Variants in SIK3 observed in about 807,000 individuals in gnomAD.
The protein encoded by SIK3 is SIK family kinase 3.
In SIK3, 28 loss-of-function variants were observed where a neutral mutation model predicts 144.2. That is an observed-to-expected ratio of 0.19 (90% CI 0.14 to 0.27). The LOEUF is 0.27. SIK3 is among the 10% of genes least tolerant of loss of function. The pLI, the probability that SIK3 is intolerant of heterozygous loss-of-function variation, is 1.00. For synonymous variants in SIK3, 686 were observed against 676.3 expected (o/e 1.01, Z -0.22); for missense variants, 1,319 against 1,776.0 (o/e 0.74, Z 4.62).
At chr11:117,097,938 G>A (rs1460206786) in intron 1 of SIK3, among the ~76,000 whole-genome samples, 1 of 151,520 alleles carries the variant, frequency 6.6e-6, no homozygotes, top group Non-Finnish European at 1.5e-5. Context: ...CTGTGCCCTC[G>A]GCCCCCTGCT....
At chr11:117,049,795 A>G (rs567185094) in intron 1 of SIK3, among the ~76,000 whole-genome samples, 6 of 152,048 alleles carry the variant, frequency 3.9e-5, no homozygotes, top group Admixed American at 2.0e-4. Context: ...ATCTCTATAC[A>G]AATTTTAAAA....
chr11:116,928,978 A>C (rs2135146561), intron 3 of SIK3, among the ~76,000 whole-genome samples: 2 of 152,314 alleles, frequency 1.3e-5, no homozygotes, highest in Middle Eastern at 3.4e-3. Context: ...AAGGACTAGA[A>C]TCAAGCTTTC....
chr11:117,039,096 G>C (rs990426262), intron 1 of SIK3, among the ~76,000 whole-genome samples: 1 of 151,938 alleles, frequency 6.6e-6, no homozygotes, highest in Admixed American at 6.6e-5. Flanking sequence ...AGCATCTTTA[G>C]ATCAGAATCA....
chr11:116,933,345 T>C (rs1947727446), intron 3 of SIK3, among the ~76,000 whole-genome samples: 1 of 152,060 alleles, frequency 6.6e-6, no homozygotes, highest in South Asian at 2.1e-4. Flanking sequence ...TTCACCATAT[T>C]GGCCAGGCTG....
intron 6 of SIK3, among the ~76,000 whole-genome samples, chr11:116,884,416 C>T (rs1165757165): frequency 1.3e-5 from 2 of 148,228 alleles, no homozygotes; most frequent in African/African-American, 2.5e-5. Flanking sequence ...AGTGCGATCT[C>T]GGCTCACTGC....
At chr11:116,927,500 T>C (rs1333675181) in intron 3 of SIK3, 120 bp from the exon 4 acceptor site, 16 of 831,642 alleles carry the variant, frequency 1.9e-5, no homozygotes, top group Non-Finnish European at 2.5e-5. Flanking sequence ...AAATGAGCAA[T>C]GAGAGAACAA....
At chr11:116,981,756 T>TA (rs1438974814) in intron 1 of SIK3, among the ~76,000 whole-genome samples, 15 of 152,344 alleles carry the variant, frequency 9.8e-5, no homozygotes, top group African/African-American at 3.6e-4. Flanking sequence ...CTCATGCCTA[T>TA]AATCCCAGCA....
intron 3 of SIK3, among the ~76,000 whole-genome samples, chr11:116,944,388 G>A (rs140861548): frequency 2.2e-3 from 332 of 152,306 alleles, no homozygotes; most frequent in Non-Finnish European, 3.3e-3. Context: ...ATTGTTGGCT[G>A]CACAACAGCG....
intron 6 of SIK3, among the ~76,000 whole-genome samples, chr11:116,890,908 A>G (rs1055878788): frequency 6.6e-6 from 1 of 152,190 alleles, no homozygotes; most frequent in Non-Finnish European, 1.5e-5. Flanking sequence ...TTTCTATGTC[A>G]TTGTTTCTGA....
chr11:116,998,109 C>T (rs746498540), intron 1 of SIK3, among the ~76,000 whole-genome samples: 8 of 151,482 alleles, frequency 5.3e-5, no homozygotes, highest in Non-Finnish European at 1.0e-4. Context: ...CTGCCTCAGC[C>T]TCCAAGAAAA....
intron 1 of SIK3, among the ~76,000 whole-genome samples, chr11:117,033,829 A>T (rs778205128): frequency 6.6e-6 from 1 of 152,166 alleles, no homozygotes; most frequent in Non-Finnish European, 1.5e-5. Flanking sequence ...ATCAGGCTCA[A>T]GGCAAATTAT....
At chr11:116,984,633 G>A (rs1483050527) in intron 1 of SIK3, among the ~76,000 whole-genome samples, 3 of 151,964 alleles carry the variant, frequency 2.0e-5, no homozygotes, top group Admixed American at 6.6e-5. Flanking sequence ...GAATATCTAC[G>A]GTTTCAAAAA....
At chr11:116,987,341 CAGAG>C (rs1191603192) in intron 1 of SIK3, among the ~76,000 whole-genome samples, 3 of 139,922 alleles carry the variant, frequency 2.1e-5, no homozygotes, top group East Asian at 2.0e-4. Flanking sequence ...AAAAAAAACA[CAGAG>C]AGCCTGTTTC....
intron 4 of SIK3, among the ~76,000 whole-genome samples, chr11:116,904,026 C>T (rs1330292811): frequency 6.6e-6 from 1 of 152,196 alleles, no homozygotes; most frequent in African/African-American, 2.4e-5. Flanking sequence ...GCTTCCTATT[C>T]TTAATGTCTC....
At chr11:116,856,876 G>A (rs61907562) in intron 21 of SIK3, 4,644 of 152,290 alleles carry the variant, frequency 0.03, 94 homozygotes, top group Non-Finnish European at 0.035. Flanking sequence ...AGGTAGTTCC[G>A]GGGAGGGAAG....
chr11:116,937,420 A>T (rs1387412130), intron 3 of SIK3, among the ~76,000 whole-genome samples: 3 of 152,228 alleles, frequency 2.0e-5, no homozygotes, highest in African/African-American at 7.2e-5. Flanking sequence ...CAAATAGAAG[A>T]ACATTTCTAA....
intron 6 of SIK3, among the ~76,000 whole-genome samples, chr11:116,877,643 G>A (rs1944322472): frequency 1.3e-5 from 2 of 152,098 alleles, no homozygotes; most frequent in African/African-American, 4.8e-5. Context: ...TTTAAAACTG[G>A]GCTGTGAGCT....
chr11:117,006,936 T>C (rs936849215), intron 1 of SIK3, among the ~76,000 whole-genome samples: 1 of 152,198 alleles, frequency 6.6e-6, no homozygotes. Flanking sequence ...AAAATGATCC[T>C]AGCAAAGCCA....
intron 4 of SIK3, among the ~76,000 whole-genome samples, chr11:116,909,712 A>G (rs147522209): frequency 6.6e-6 from 1 of 152,334 alleles, no homozygotes; most frequent in East Asian, 1.9e-4. Flanking sequence ...GGCCTAGCAC[A>G]GTGCTGACAG....
Sources: gnomAD v4.1 joint callset for allele counts (sites outside exome capture counted in the v4.1 genomes callset) on GRCh38, gnomAD v4.1.1 for gene constraint, MANE v1.5 for transcripts, NCBI Gene and HGNC (gene_info 2026-07-23, HGNC 2026-07-21) for gene names.